The following LRBA variants were observed in gnomAD, a reference collection of about 807,000 sequenced individuals.
LRBA encodes the protein LPS responsive beige-like anchor protein.
LRBA carries 176 observed loss-of-function variants against 330.0 expected under a neutral mutation model. The ratio of observed to expected loss-of-function variants is 0.53; its 90% CI spans 0.47 to 0.60. LRBA has a LOEUF of 0.60. Ranked by LOEUF, LRBA falls within the 20% of genes least tolerant of loss-of-function variation. The pLI is 0.00. For missense variants in LRBA, 3,259 were observed against 3,444.8 expected, an observed-to-expected ratio of 0.95 and a Z score of 1.35; for synonymous variants, 1,230 against 1,193.0, an observed-to-expected ratio of 1.03 and a Z score of -0.64.
chr4:150,719,746 C>T (rs1728683901), intron 36 of LRBA, among the ~76,000 whole-genome samples: 1 of 152,050 alleles, frequency 6.6e-6, no homozygotes, highest in Non-Finnish European at 1.5e-5. Flanking sequence ...GTAACGTTAC[C>T]TCTTTCCTCT....
Position 150,828,574 on chromosome 4 carries a change from C to G in LRBA, c.4777G>C (p.Glu1593Gln). 6.2e-7 allele frequency: 1 copy of G among 1,614,058 alleles called. No homozygotes were observed. Among genetic ancestry groups the G allele is most frequent in the African/African-American group, 1.3e-5 (1 of 75,020 alleles). ...CGAGCAGATGATGTGCTTTCAGATT[C>G]TTCCACTGATGCCGTAGTTAAAGTG... is the stretch of plus-strand genomic sequence containing the variant. ...FSTLTTASVE[E>Q]SESTSSARRR... The change falls in exon 30 of 57, where the codon GAA becomes CAA. Residue 1593 changes from glutamate (E) to glutamine (Q), a missense_variant. Coordinates refer to ENST00000651943, the MANE Select transcript of LRBA (RefSeq NM_001364905.1).
At chr4:150,614,380 C>G (rs1450120725) in intron 37 of LRBA, among the ~76,000 whole-genome samples, 1 of 151,864 alleles carries the variant, frequency 6.6e-6, no homozygotes, top group Non-Finnish European at 1.5e-5. Flanking sequence ...ATCACTTTCA[C>G]AAGAAAGTGG....
intron 56 of LRBA, among the ~76,000 whole-genome samples, chr4:150,275,514 T>C (rs1243107635): frequency 1.3e-5 from 2 of 152,186 alleles, no homozygotes; most frequent in Admixed American, 6.5e-5. Flanking sequence ...GATGACATGA[T>C]TGTATATTTA....
chr4:150,483,469 A>C (rs1757526324), intron 42 of LRBA, among the ~76,000 whole-genome samples: 1 of 149,056 alleles, frequency 6.7e-6, no homozygotes, highest in South Asian at 2.1e-4. Context: ...TAAATTTTAG[A>C]ATCAGCTTGT....
intron 28 of LRBA, among the ~76,000 whole-genome samples, chr4:150,840,376 T>A (rs907866125): frequency 1.3e-5 from 2 of 152,244 alleles, no homozygotes; most frequent in Non-Finnish European, 2.9e-5. Context: ...CATTTCTAGC[T>A]TTTTATTTAA....
rs967554406 is a variant in LRBA, at chr4:150,551,944, G to C, written c.6330+36104C>G. Among the ~76,000 whole-genome samples the C allele has an allele frequency of 2.6e-5, 4 of 152,212 alleles. No individual in the cohort carries two copies. In the South Asian group the frequency reaches 8.3e-4, roughly 32 times the overall value. On this transcript the variant is annotated intron_variant, in intron 40 of 56. Transcript: ENST00000651943. ...TTTCGTGGAAGACAATTTTTCCACA[G>C]ACCAAAGTGGGGTGGGGGGTAGGAG...
intron 48 of LRBA, among the ~76,000 whole-genome samples, chr4:150,333,503 T>C (rs1456101960): frequency 6.6e-6 from 1 of 152,190 alleles, no homozygotes; most frequent in African/African-American, 2.4e-5. Flanking sequence ...TCCACCTCTT[T>C]ACCAAGAAAT....
Position 150,415,480 on chromosome 4 carries a change from A to T in LRBA, c.7152T>A (p.Pro2384=). 1 of 1,613,716 alleles carries T rather than the reference A, an allele frequency of 6.2e-7. No individual in the cohort carries two copies. The highest frequency in any genetic ancestry group is 8.5e-7 in the Non-Finnish European group (1 of 1,179,716). The stretch of plus-strand genomic sequence containing the variant: ...CAAATTCTTCTGAGGTTTTGGCCCA[A>T]GGAGGAAGTTCGACATCAGACACTA... The part of the protein sequence containing the change: ...GTVVSDVELP[P]WAKTSEEFVH... The change falls in exon 47 of 57, where the codon CCT becomes CCA. Residue 2384 remains proline, a synonymous_variant. Transcript: ENST00000651943.
chr4:150,828,920 GGGGTGTGTGTGTGTGTGT>G (rs1018225153), intron 29 of LRBA, among the ~76,000 whole-genome samples: 8 of 53,314 alleles, frequency 1.5e-4, no homozygotes, highest in East Asian at 1.7e-3. Flanking sequence ...ATCTTTTTTG[GGGGTGTGTGTGTGTGTGT>G]GTGTGTGTGT....
chr4:150,984,713 G>C (rs186861357), intron 2 of LRBA, among the ~76,000 whole-genome samples: 1 of 151,932 alleles, frequency 6.6e-6, no homozygotes, highest in East Asian at 1.9e-4. Flanking sequence ...AAATAAATTT[G>C]TGTGTGTGTC....
At chr4:150,354,718 A>G (rs901369608) in intron 47 of LRBA, among the ~76,000 whole-genome samples, 1 of 152,052 alleles carries the variant, frequency 6.6e-6, no homozygotes, top group Non-Finnish European at 1.5e-5. Context: ...CTTGGCGCTG[A>G]TATCTGTTTT....
intron 37 of LRBA, among the ~76,000 whole-genome samples, chr4:150,639,596 A>G (rs1262996519): frequency 2.1e-5 from 3 of 144,554 alleles, no homozygotes; most frequent in Non-Finnish European, 4.5e-5. Flanking sequence ...AGCAAAAAAA[A>G]AAAAAAAAAA....
chr4:150,819,437 T>C (rs1745104917), intron 30 of LRBA, among the ~76,000 whole-genome samples: 1 of 151,920 alleles, frequency 6.6e-6, no homozygotes, highest in Non-Finnish European at 1.5e-5. Context: ...AAAAACTGTA[T>C]TCATCTCCAG....
Position 150,282,430 on chromosome 4 carries a change from A to G in LRBA, c.8316+20T>C. 6.2e-7 allele frequency: 1 copy of G among 1,602,574 alleles called. No individual in the cohort carries two copies. The highest frequency in any genetic ancestry group is 8.5e-7 in the Non-Finnish European group (1 of 1,173,298). On this transcript the variant is annotated intron_variant, in intron 55 of 56. Coordinates refer to ENST00000651943, the MANE Select transcript of LRBA (RefSeq NM_001364905.1). Reference sequence around the variant, plus strand: ...TTGAGGTAAAAGTCGTGAATGCTGAAGAGTCCCCAGGGCACTCACTCTTAT... The same window carrying G: ...TTGAGGTAAAAGTCGTGAATGCTGAGGAGTCCCCAGGGCACTCACTCTTAT...
intron 37 of LRBA, among the ~76,000 whole-genome samples, chr4:150,625,595 A>G (rs531519331): frequency 1.9e-4 from 29 of 151,982 alleles, no homozygotes; most frequent in Middle Eastern, 3.4e-3. Flanking sequence ...AGTGCCTCTC[A>G]ATCTTGCATG....
chr4:150,433,661 T>A (rs1467585755), intron 46 of LRBA, among the ~76,000 whole-genome samples: 5 of 152,118 alleles, frequency 3.3e-5, no homozygotes, highest in Admixed American at 3.3e-4. Context: ...ATGTCAGGCT[T>A]ATCAATATTT....
chr4:150,408,870 C>T (rs1581227743), intron 47 of LRBA, among the ~76,000 whole-genome samples: 1 of 151,842 alleles, frequency 6.6e-6, no homozygotes, highest in South Asian at 2.1e-4. Flanking sequence ...TATAGTTTTA[C>T]CTTTATATAT....
rs200525703 is a variant in LRBA at position 150,775,452 on chromosome 4, A to AAC, written c.5581-13607_5581-13606dup. The stretch of plus-strand genomic sequence containing the variant: ...ATTTCTAAAAGGAAGTCTGCAATGG[A>AAC]ACACACACACACACACACACACACA... On this transcript the variant is annotated intron_variant, in intron 34 of 56. Transcript: ENST00000651943. Among the ~76,000 whole-genome samples, 489 of 33,902 alleles carry AAC rather than the reference A, an allele frequency of 0.014. 7 individuals carry two copies. In the East Asian group the frequency reaches 0.16, roughly 11 times the overall value. The allele number at this position is 33,902 out of a possible 152,430, so 22.2% of individuals were successfully genotyped here.
At chr4:150,867,546 C>T in intron 22 of LRBA, 125 bp downstream of exon 22, 2 of 624,468 alleles carry the variant, frequency 3.2e-6, no homozygotes, top group South Asian at 2.2e-5. Flanking sequence ...TTTCATTTTG[C>T]TGTACTTTCA....
Sources: gnomAD v4.1 joint callset for allele counts (sites outside exome capture counted in the v4.1 genomes callset) on GRCh38, gnomAD v4.1.1 for gene constraint, MANE v1.5 for transcripts, NCBI Gene and HGNC (gene_info 2026-07-23, HGNC 2026-07-21) for gene names.